Variants in RHOU observed in about 807,000 individuals in gnomAD.
The protein encoded by RHOU is rho-related GTP-binding protein RhoU.
RHOU carries 8 observed loss-of-function variants against 12.6 expected under a neutral mutation model. The observed-to-expected ratio is 0.64, with a 90% confidence interval of 0.37 to 1.15. RHOU has a LOEUF of 1.15. RHOU is among the 50% of genes most tolerant of loss of function. The probability of loss-of-function intolerance (pLI) is 0.01; values close to 1 mark genes in which losing one functional copy is unlikely to be tolerated. For missense variants in RHOU, 258 were observed against 347.0 expected (o/e 0.74, Z 2.04); for synonymous variants, 161 against 147.4 (o/e 1.09, Z -0.67).
chr1:228,739,557 C>T (rs116285960), intron 2 of RHOU, among the ~76,000 whole-genome samples: 3,201 of 152,104 alleles, frequency 0.021, 125 homozygotes, highest in African/African-American at 0.073. Flanking sequence ...AGAGAGATTC[C>T]ATCTCAAAAA....
intron 2 of RHOU, among the ~76,000 whole-genome samples, chr1:228,741,903 A>T (rs1211138909): frequency 1.3e-5 from 2 of 152,204 alleles, no homozygotes; most frequent in African/African-American, 4.8e-5. Context: ...GTTGACTTTA[A>T]TGTGATTAGT....
chr1:228,689,704 G>A, the RHOU span, among the ~76,000 whole-genome samples: 9 of 151,900 alleles, frequency 5.9e-5, no homozygotes, highest in Non-Finnish European at 1.3e-4. Flanking sequence ...AAACCCTATT[G>A]TGAACTGTGC....
chr1:228,733,739 C>T (rs1662539997), upstream of RHOU, among the ~76,000 whole-genome samples: 1 of 152,208 alleles, frequency 6.6e-6, no homozygotes, highest in Non-Finnish European at 1.5e-5. Flanking sequence ...ACCAATGTGA[C>T]TCTCACAGAG....
chr1:228,700,389 G>A, the RHOU span, among the ~76,000 whole-genome samples: 1 of 152,130 alleles, frequency 6.6e-6, no homozygotes, highest in African/African-American at 2.4e-5. Context: ...CAACCCCTTT[G>A]TTAGAGTTCT....
the RHOU span, among the ~76,000 whole-genome samples, chr1:228,698,167 G>C: frequency 2.0e-5 from 3 of 152,164 alleles, no homozygotes; most frequent in Non-Finnish European, 2.9e-5. Context: ...GACATTTTAT[G>C]AATGGTTGTA....
the RHOU span, among the ~76,000 whole-genome samples, chr1:228,707,142 A>G: frequency 1.6e-3 from 217 of 132,010 alleles, 4 homozygotes; most frequent in African/African-American, 6.1e-3. Flanking sequence ...ATATATATAT[A>G]TATGTATATA....
chr1:228,718,180 A>T, the RHOU span, among the ~76,000 whole-genome samples: 1 of 152,174 alleles, frequency 6.6e-6, no homozygotes. Context: ...TCCAAAAAAG[A>T]TGCATCCATT....
the RHOU span, among the ~76,000 whole-genome samples, chr1:228,697,585 T>A: frequency 6.6e-6 from 1 of 152,196 alleles, no homozygotes; most frequent in Non-Finnish European, 1.5e-5. Context: ...TCGTGCTGAC[T>A]GGCAGCCTCC....
the RHOU span, among the ~76,000 whole-genome samples, chr1:228,711,316 T>A: frequency 6.6e-6 from 1 of 151,946 alleles, no homozygotes; most frequent in African/African-American, 2.4e-5. Context: ...TACTTTAAAG[T>A]TCATATGGAA....
the RHOU span, among the ~76,000 whole-genome samples, chr1:228,678,581 G>A: frequency 3.3e-5 from 5 of 152,150 alleles, no homozygotes; most frequent in Non-Finnish European, 7.3e-5. Flanking sequence ...ATTAATGATG[G>A]AGGACCCTCG....
the RHOU span, among the ~76,000 whole-genome samples, chr1:228,684,873 T>A: frequency 6.6e-6 from 1 of 152,252 alleles, no homozygotes; most frequent in Non-Finnish European, 1.5e-5. Flanking sequence ...GTTCTTGATC[T>A]TGTGTAAGAA....
At chr1:228,723,252 G>C in the RHOU span, among the ~76,000 whole-genome samples, 2 of 152,194 alleles carry the variant, frequency 1.3e-5, no homozygotes, top group Non-Finnish European at 2.9e-5. Flanking sequence ...CAAGAAAGAA[G>C]GAAGACAGAA....
the RHOU span, among the ~76,000 whole-genome samples, chr1:228,725,695 A>G: frequency 6.6e-6 from 1 of 152,232 alleles, no homozygotes; most frequent in Non-Finnish European, 1.5e-5. Flanking sequence ...AGCCACAACT[A>G]TAAAATATTT....
the RHOU span, among the ~76,000 whole-genome samples, chr1:228,663,203 G>C: frequency 2.0e-5 from 3 of 152,182 alleles, no homozygotes; most frequent in Admixed American, 6.5e-5. Context: ...CTGCTTTTGT[G>C]ATTCAAAGAT....
At chr1:228,727,231 C>T in the RHOU span, among the ~76,000 whole-genome samples, 1 of 152,158 alleles carries the variant, frequency 6.6e-6, no homozygotes, top group Non-Finnish European at 1.5e-5. Context: ...AAGTATTTAC[C>T]TTTCAATACA....
the RHOU span, among the ~76,000 whole-genome samples, chr1:228,649,099 G>A: frequency 6.6e-6 from 1 of 152,096 alleles, no homozygotes; most frequent in Non-Finnish European, 1.5e-5. Flanking sequence ...TCCAGACCTC[G>A]GGTGATCTGC....
At chr1:228,692,841 G>A in the RHOU span, among the ~76,000 whole-genome samples, 1 of 151,960 alleles carries the variant, frequency 6.6e-6, no homozygotes, top group Non-Finnish European at 1.5e-5. Flanking sequence ...ATTAGGAAAT[G>A]GGGATTTACA....
chr1:228,716,479 C>A, the RHOU span, among the ~76,000 whole-genome samples: 1 of 152,166 alleles, frequency 6.6e-6, no homozygotes, highest in Non-Finnish European at 1.5e-5. Flanking sequence ...CAAGGGACTT[C>A]CCTCAGGCAG....
At chr1:228,660,933 C>CAAA in the RHOU span, among the ~76,000 whole-genome samples, 3 of 116,560 alleles carry the variant, frequency 2.6e-5, no homozygotes, top group South Asian at 5.5e-4. Flanking sequence ...AACTCTGTCT[C>CAAA]AAAAAAAAAA....
Sources: gnomAD v4.1 joint callset for allele counts (sites outside exome capture counted in the v4.1 genomes callset) on GRCh38, gnomAD v4.1.1 for gene constraint, MANE v1.5 for transcripts, NCBI Gene and HGNC (gene_info 2026-07-23, HGNC 2026-07-21) for gene names.